FOXP2: variants seen among roughly 807,000 people sequenced by gnomAD.
FOXP2 encodes the protein forkhead box protein P2.
In FOXP2, 12 loss-of-function variants were observed where a neutral mutation model predicts 115.8. The ratio of observed to expected loss-of-function variants is 0.10; its 90% CI spans 0.07 to 0.17. The LOEUF is 0.17. Among genes scored for constraint, FOXP2 ranks in the 10% least tolerant of loss-of-function variants. The pLI is 1.00. For synonymous variants in FOXP2, 328 were observed against 297.7 expected (o/e 1.10, Z -1.05); for missense variants, 629 against 843.5 (o/e 0.75, Z 3.15).
chr7:114,675,449 ATCCTGT>A (rs1807702159), intron 16 of FOXP2, among the ~76,000 whole-genome samples: 1 of 152,222 alleles, frequency 6.6e-6, no homozygotes, highest in African/African-American at 2.4e-5. Flanking sequence ...CATTTAAATA[ATCCTGT>A]GCTTATATTT....
intron 2 of FOXP2, among the ~76,000 whole-genome samples, chr7:114,527,319 T>C (rs1265362353): frequency 6.6e-6 from 1 of 152,116 alleles, no homozygotes; most frequent in African/African-American, 2.4e-5. Context: ...GTATATATTG[T>C]ACCTTGGGTG....
At chr7:114,103,875 C>A (rs1028595712) in intron 1 of FOXP2, among the ~76,000 whole-genome samples, 1 of 151,950 alleles carries the variant, frequency 6.6e-6, no homozygotes, top group African/African-American at 2.4e-5. Flanking sequence ...CCCATAATAG[C>A]CATTCCTTCA....
intron 14 of FOXP2, among the ~76,000 whole-genome samples, chr7:114,662,388 A>G (rs1806918951): frequency 6.6e-6 from 1 of 151,894 alleles, no homozygotes; most frequent in African/African-American, 2.4e-5. Context: ...TCATCACAGG[A>G]CTGTTTTGGT....
At chr7:114,630,931 T>C (rs1804868768) in intron 5 of FOXP2, 1 of 154,186 alleles carries the variant, frequency 6.5e-6, no homozygotes, top group East Asian at 1.9e-4. Flanking sequence ...CAAAGACCTC[T>C]GGTTTGTCTT....
chr7:114,585,740 A>C (rs972738653), intron 3 of FOXP2, among the ~76,000 whole-genome samples: 5 of 152,024 alleles, frequency 3.3e-5, no homozygotes, highest in Non-Finnish European at 7.4e-5. Context: ...GGTGACATGC[A>C]CCTGTGGTCC....
chr7:114,372,986 T>C lies in FOXP2; in HGVS notation c.-10-53516T>C, dbSNP rs150491374. Reference sequence around the variant, plus strand: ...GTGTAATCATACTGGCACGAAATCATAGAATAAAACTTCTTTTTTTTTTTG... The same window carrying C: ...GTGTAATCATACTGGCACGAAATCACAGAATAAAACTTCTTTTTTTTTTTG... On this transcript the variant is annotated intron_variant, in intron 2 of 17. Coordinates refer to the FOXP2 transcript ENST00000634411. Among the ~76,000 whole-genome samples, 435 of 152,212 alleles carry C rather than the reference T, an allele frequency of 2.9e-3. 3 individuals carry two copies. Among genetic ancestry groups the C allele is most frequent in the African/African-American group, 0.01 (420 of 41,532 alleles).
At chr7:114,379,641 C>G (rs9641516) in intron 2 of FOXP2, among the ~76,000 whole-genome samples, 67,141 of 151,864 alleles carry the variant, frequency 0.44, 16,299 homozygotes, top group East Asian at 0.63. Flanking sequence ...TTTGAAAAAC[C>G]ATTTGTAGTT....
chr7:114,487,244 G>A (rs1796833464), intron 2 of FOXP2, among the ~76,000 whole-genome samples: 1 of 152,162 alleles, frequency 6.6e-6, no homozygotes. Context: ...AGCTGCCAAG[G>A]CTTGGGGCTT....
intron 1 of FOXP2, among the ~76,000 whole-genome samples, chr7:114,144,423 A>G (rs946353858): frequency 1.7e-4 from 26 of 152,184 alleles, no homozygotes; most frequent in Admixed American, 1.3e-4. Context: ...AAATTTTAAT[A>G]GTCGTTAGTA....
At chr7:114,237,559 A>T (rs1437089060) in intron 1 of FOXP2, among the ~76,000 whole-genome samples, 1 of 152,068 alleles carries the variant, frequency 6.6e-6, no homozygotes, top group African/African-American at 2.4e-5. Context: ...GGGCTCTTGA[A>T]CCACGTGCTC....
chr7:114,501,142 A>T (rs1358815583), intron 2 of FOXP2, among the ~76,000 whole-genome samples: 1 of 152,160 alleles, frequency 6.6e-6, no homozygotes, highest in Non-Finnish European at 1.5e-5. Flanking sequence ...AGAACTACAG[A>T]TGCTTGCCTC....
At chr7:114,549,296 A>G (rs567579910) in intron 3 of FOXP2, among the ~76,000 whole-genome samples, 45 of 152,318 alleles carry the variant, frequency 3.0e-4, no homozygotes, top group African/African-American at 1.0e-3. Context: ...ACATTTCCCA[A>G]GTACCTAGGG....
chr7:114,293,783 TC>T (rs1796669270), intron 2 of FOXP2, among the ~76,000 whole-genome samples: 1 of 152,136 alleles, frequency 6.6e-6, no homozygotes, highest in African/African-American at 2.4e-5. Context: ...TCCTGAGGCC[TC>T]CCCAGCCATG....
chr7:114,253,433 C>A (rs1369724527), intron 1 of FOXP2, among the ~76,000 whole-genome samples: 7 of 152,098 alleles, frequency 4.6e-5, no homozygotes, highest in African/African-American at 1.7e-4. Context: ...GTCTAAGTCT[C>A]TTTGTAGGTC....
Position 114,690,706 on chromosome 7 carries a change from G to A in FOXP2, c.*780G>A, listed in dbSNP as rs780941262. 30 of 454,364 alleles carry A rather than the reference G, an allele frequency of 6.6e-5. No individual in the cohort carries two copies. Among genetic ancestry groups the A allele is most frequent in the Non-Finnish European group, 1.2e-4 (27 of 226,786 alleles). 28.1% of individuals were successfully genotyped at this position (454,364 alleles called of 1,614,324 possible). ...GTACTCTTTACCTCCTTGTGATAAA[G>A]CTTTGTCTACCTGCAAACACAGTCA... On this transcript the variant is annotated 3_prime_UTR_variant, in exon 17 of 17. Coordinates refer to ENST00000350908, the MANE Select transcript of FOXP2 (RefSeq NM_014491.4).
intron 2 of FOXP2, among the ~76,000 whole-genome samples, chr7:114,312,284 T>C (rs1328063582): frequency 6.6e-6 from 1 of 152,172 alleles, no homozygotes; most frequent in Non-Finnish European, 1.5e-5. Context: ...AACATATTCT[T>C]TTTGCTTTTA....
intron 2 of FOXP2, among the ~76,000 whole-genome samples, chr7:114,358,443 C>T (rs1314063945): frequency 6.6e-6 from 1 of 152,074 alleles, no homozygotes; most frequent in African/African-American, 2.4e-5. Context: ...AATTGGGTAA[C>T]CAGCAGAGAT....
intron 16 of FOXP2, among the ~76,000 whole-genome samples, chr7:114,682,840 T>C (rs1348706545): frequency 6.6e-6 from 1 of 152,118 alleles, no homozygotes; most frequent in African/African-American, 2.4e-5. Flanking sequence ...TAAATAGAGA[T>C]AATTATAATA....
At chr7:114,210,408 G>C (rs1466644591) in intron 1 of FOXP2, among the ~76,000 whole-genome samples, 1 of 152,104 alleles carries the variant, frequency 6.6e-6, no homozygotes, top group Non-Finnish European at 1.5e-5. Flanking sequence ...TAGGGCTGCT[G>C]CAGTTTGCTG....
Sources: gnomAD v4.1 joint callset for allele counts (sites outside exome capture counted in the v4.1 genomes callset) on GRCh38, gnomAD v4.1.1 for gene constraint, MANE v1.5 for transcripts, NCBI Gene and HGNC (gene_info 2026-07-23, HGNC 2026-07-21) for gene names.